Variants in LRRC40 observed in about 807,000 individuals in gnomAD.
LRRC40 encodes the protein leucine rich repeat containing 40.
In LRRC40, 76 loss-of-function variants were observed where a neutral mutation model predicts 72.8. The ratio of observed to expected loss-of-function variants is 1.04; its 90% CI spans 0.87 to 1.26. LRRC40 has a LOEUF of 1.26. Ranked by LOEUF, LRRC40 falls within the 50% of genes most tolerant of loss-of-function variation. The pLI is 0.00. For missense variants in LRRC40, 684 were observed against 698.9 expected (o/e 0.98, Z 0.24); for synonymous variants, 243 against 254.2 (o/e 0.96, Z 0.42).
chr1:70,188,934 A>T (rs184605572), intron 2 of LRRC40, among the ~76,000 whole-genome samples, 158 bp downstream of exon 2: 4 of 152,260 alleles, frequency 2.6e-5, no homozygotes, highest in African/African-American at 9.6e-5. Context: ...TGGTGTTCTG[A>T]TCCTGCACTT....
At chr1:70,181,244 C>CA in intron 4 of LRRC40, 35 bp from the exon 5 acceptor site, 1 of 1,320,200 alleles carries the variant, frequency 7.6e-7, no homozygotes, top group Non-Finnish European at 1.0e-6. Context: ...AATGAATAAA[C>CA]AAGTAAAAAA....
At chr1:70,178,797 T>C in intron 6 of LRRC40, 54 bp downstream of exon 6, 2 of 1,197,520 alleles carry the variant, frequency 1.7e-6, no homozygotes, top group Non-Finnish European at 2.3e-6. Flanking sequence ...AAAAATGCAT[T>C]TTAATAATTA....
intron 9 of LRRC40, among the ~76,000 whole-genome samples, chr1:70,166,438 T>A (rs151028324): frequency 5.6e-4 from 85 of 152,164 alleles, no homozygotes; most frequent in Admixed American, 1.3e-3. Flanking sequence ...GGCAGGAGGA[T>A]CATTTGAGTC....
chr1:70,184,197 G>A (rs1057032504), intron 4 of LRRC40, among the ~76,000 whole-genome samples: 1 of 152,106 alleles, frequency 6.6e-6, no homozygotes, highest in Non-Finnish European at 1.5e-5. Flanking sequence ...TGCAGTGAGC[G>A]AGATTGCGCC....
At chr1:70,195,887 C>T (rs986293511) in intron 1 of LRRC40, among the ~76,000 whole-genome samples, 1 of 152,112 alleles carries the variant, frequency 6.6e-6, no homozygotes, top group Non-Finnish European at 1.5e-5. Flanking sequence ...CCACCTGCCT[C>T]GGCCTCCCAA....
At chr1:70,171,852 C>T (rs1298501030) in intron 9 of LRRC40, among the ~76,000 whole-genome samples, 1 of 152,108 alleles carries the variant, frequency 6.6e-6, no homozygotes, top group Non-Finnish European at 1.5e-5. Flanking sequence ...TAGGTATATA[C>T]ACCCAAGAGA....
At position 70,174,652 on chromosome 1, in the gene LRRC40, TTA is replaced by T. The variant is rs530183018; in HGVS notation, c.978-945_978-944del. On this transcript the variant is annotated intron_variant, in intron 7 of 14. Transcript: ENST00000370952. ...TACAACCACATGAATCACAAAAACTTTATGTTACATGAAAGAAGCCAGACACA... is the reference window on the plus strand; with the variant it reads ...TACAACCACATGAATCACAAAAACTTTGTTACATGAAAGAAGCCAGACACA... Among the ~76,000 whole-genome samples the T allele has an allele frequency of 4.1e-3, 631 of 152,176 alleles. 5 individuals are homozygous for T. The highest frequency in any genetic ancestry group is 0.031 in the South Asian group (150 of 4,826).
chr1:70,189,297 G>C, intron 1 of LRRC40, 24 bp from the exon 2 acceptor site: 1 of 770,626 alleles, frequency 1.3e-6, no homozygotes. Flanking sequence ...CACCACACCA[G>C]GAAAAAAAAA....
chr1:70,149,708 A>G (rs994405761), intron 13 of LRRC40, among the ~76,000 whole-genome samples: 2 of 152,188 alleles, frequency 1.3e-5, no homozygotes, highest in African/African-American at 4.8e-5. Flanking sequence ...TGCAATCTAT[A>G]TACTAGAAAG....
chr1:70,198,893 G>A (rs1445926411), intron 1 of LRRC40, among the ~76,000 whole-genome samples: 1 of 152,166 alleles, frequency 6.6e-6, no homozygotes, highest in Non-Finnish European at 1.5e-5. Context: ...GTTCATGCCT[G>A]TAATCCCAGC....
Position 70,181,071 on chromosome 1 carries a change from A to G in LRRC40, c.661+15T>C, listed in dbSNP as rs1177587860. 2 of 1,466,502 alleles carry G rather than the reference A, an allele frequency of 1.4e-6. No homozygotes were observed. Among genetic ancestry groups the G allele is most frequent in the East Asian group, 4.6e-5 (2 of 43,318 alleles). 90.8% of individuals were successfully genotyped at this position (1,466,502 alleles called of 1,614,324 possible). ...ACTTCAAATTTATGTATTATGTAAA[A>G]CAGAAAATATTTACTTTTCATTCTA... On this transcript the variant is annotated intron_variant, in intron 5 of 14. Transcript: ENST00000370952.
Position 70,175,877 on chromosome 1 carries a change from C to T in LRRC40, c.910G>A (p.Val304Ile). ...LDLRDNKLKS[V>I]PDEIILLRSL... Reference sequence around the variant, plus strand: ...CGTAGTAGTATAATTTCATCTGGAACAGATTTTAACTTGTTATCCCTCAGG... The same window carrying T: ...CGTAGTAGTATAATTTCATCTGGAATAGATTTTAACTTGTTATCCCTCAGG... The change falls in exon 7 of 15, where the codon GTT becomes ATT. Residue 304 changes from valine (V) to isoleucine (I), a missense_variant. Coordinates refer to ENST00000370952, the MANE Select transcript of LRRC40 (RefSeq NM_017768.5). 2 of 1,601,450 alleles carry T rather than the reference C, an allele frequency of 1.2e-6. No homozygotes were observed. The highest frequency in any genetic ancestry group is 1.7e-6 in the Non-Finnish European group (2 of 1,175,370).
At chr1:70,188,543 T>C (rs1402368047) in intron 2 of LRRC40, among the ~76,000 whole-genome samples, 1 of 151,904 alleles carries the variant, frequency 6.6e-6, no homozygotes, top group Admixed American at 6.6e-5. Context: ...AAGACCAGTC[T>C]GGGAAACATA....
rs559956474 is a variant in LRRC40 at position 70,184,239 on chromosome 1, C to T, written c.537+546G>A. Among the ~76,000 whole-genome samples the T allele has an allele frequency of 2.0e-5, 3 of 152,174 alleles. No individual in the cohort carries two copies. The South Asian group carries it at 6.2e-4, about 32-fold the overall frequency. ...CTCCAGTCTGGGTGACAGGGTAAGA[C>T]CATGTCCCCCCAAAAATAAAATAAT... On this transcript the variant is annotated intron_variant, in intron 4 of 14. Transcript: ENST00000370952.
chr1:70,155,247 G>A (rs1333759813), intron 11 of LRRC40, among the ~76,000 whole-genome samples: 1 of 152,032 alleles, frequency 6.6e-6, no homozygotes, highest in African/African-American at 2.4e-5. Flanking sequence ...TTTCCTATCA[G>A]TGGAAAAATT....
At chr1:70,162,565 C>G (rs1416755330) in intron 9 of LRRC40, among the ~76,000 whole-genome samples, 1 of 152,162 alleles carries the variant, frequency 6.6e-6, no homozygotes, top group Non-Finnish European at 1.5e-5. Flanking sequence ...AAGCACCCCA[C>G]TTTTATCACA....
rs1313716103 is a variant in LRRC40, at chr1:70,201,004, T to C, written c.151+4386A>G. On this transcript the variant is annotated intron_variant, in intron 1 of 14. Coordinates refer to ENST00000370952, the MANE Select transcript of LRRC40 (RefSeq NM_017768.5). ...TTGGACAATACAGTGAGATCCAGTC[T>C]CTACAAAAAATAAAATAGCTGGGTT... is the stretch of plus-strand genomic sequence containing the variant. 2.0e-5 allele frequency among the ~76,000 whole-genome samples: 3 copies of C among 152,060 alleles called. No individual in the cohort carries two copies. The South Asian group carries it at 6.2e-4, about 32-fold the overall frequency.
chr1:70,156,756 C>G (rs1667646855), intron 10 of LRRC40, among the ~76,000 whole-genome samples: 1 of 152,116 alleles, frequency 6.6e-6, no homozygotes, highest in African/African-American at 2.4e-5. Context: ...TGTCCCAGGT[C>G]ATGAGACATG....
At chr1:70,177,070 G>A (rs1019887219) in intron 6 of LRRC40, among the ~76,000 whole-genome samples, 2 of 152,154 alleles carry the variant, frequency 1.3e-5, no homozygotes, top group Non-Finnish European at 2.9e-5. Context: ...GAGGTCAGGA[G>A]TTCGAGACCA....
Sources: allele counts gnomAD v4.1 joint callset (sites outside exome capture counted in the v4.1 genomes callset), GRCh38; gene constraint gnomAD v4.1.1; transcripts MANE v1.5; gene names NCBI Gene and HGNC (gene_info 2026-07-23, HGNC 2026-07-21).